The following GRID2 variants were observed in gnomAD, a reference collection of about 807,000 sequenced individuals.
The protein encoded by GRID2 is glutamate ionotropic receptor delta type subunit 2, also known as glutamate receptor ionotropic, delta-2.
A neutral mutation model predicts 114.8 loss-of-function variants in GRID2; 33 were observed. That is an observed-to-expected ratio of 0.29 (90% confidence interval 0.22 to 0.38). GRID2 has a LOEUF of 0.38. Ranked by LOEUF, GRID2 falls within the 10% of genes least tolerant of loss-of-function variation. The pLI is 1.00. For missense variants in GRID2, 1,184 were observed against 1,257.7 expected (o/e 0.94, Z 0.89); for synonymous variants, 505 against 449.9 (o/e 1.12, Z -1.55).
chr4:92,483,753 C>A (rs796782158), intron 1 of GRID2, among the ~76,000 whole-genome samples: 3 of 152,088 alleles, frequency 2.0e-5, no homozygotes, highest in Non-Finnish European at 2.9e-5. Context: ...TCTGAGGGAG[C>A]CTTTTCAGGC....
intron 2 of GRID2, among the ~76,000 whole-genome samples, chr4:92,708,501 C>G (rs1036926433): frequency 1.3e-5 from 2 of 152,136 alleles, no homozygotes; most frequent in Non-Finnish European, 2.9e-5. Flanking sequence ...ATCTTAGCTC[C>G]CACACATTAT....
At chr4:93,241,303 T>C (rs1747480211) in intron 8 of GRID2, among the ~76,000 whole-genome samples, 1 of 151,744 alleles carries the variant, frequency 6.6e-6, no homozygotes, top group Admixed American at 6.6e-5. Flanking sequence ...AATAAGAGTT[T>C]TTGCCTCTTC....
intron 12 of GRID2, among the ~76,000 whole-genome samples, chr4:93,511,922 C>T (rs1400735167): frequency 6.6e-6 from 1 of 151,956 alleles, no homozygotes; most frequent in Non-Finnish European, 1.5e-5. Context: ...TCTGGGATTA[C>T]AGGTGCATGC....
At chr4:92,491,762 A>T (rs1009147469) in intron 1 of GRID2, among the ~76,000 whole-genome samples, 2 of 152,122 alleles carry the variant, frequency 1.3e-5, no homozygotes, top group African/African-American at 4.8e-5. Context: ...TTCACTATGG[A>T]TAAACATAAA....
At chr4:92,931,215 C>A (rs912084676) in intron 2 of GRID2, among the ~76,000 whole-genome samples, 1 of 150,760 alleles carries the variant, frequency 6.6e-6, no homozygotes, top group Non-Finnish European at 1.5e-5. Context: ...AATCAACTCA[C>A]TAATTCACCA....
chr4:93,017,957 A>G (rs1185964467), intron 2 of GRID2, among the ~76,000 whole-genome samples: 1 of 150,124 alleles, frequency 6.7e-6, no homozygotes, highest in Non-Finnish European at 1.5e-5. Flanking sequence ...TCATCAATTA[A>G]CCAACAGGTT....
intron 3 of GRID2, among the ~76,000 whole-genome samples, chr4:93,097,843 G>T (rs924320295): frequency 2.6e-5 from 4 of 151,836 alleles, no homozygotes; most frequent in Non-Finnish European, 5.9e-5. Context: ...ATCAAAATGA[G>T]CCATTTTCTG....
chr4:93,367,115 T>G (rs1762415077), intron 8 of GRID2, among the ~76,000 whole-genome samples: 1 of 151,986 alleles, frequency 6.6e-6, no homozygotes. Context: ...CCAATCTCAA[T>G]TTAGTTGTTT....
chr4:93,169,342 C>T (rs1317841588), intron 4 of GRID2, among the ~76,000 whole-genome samples: 1 of 152,028 alleles, frequency 6.6e-6, no homozygotes, highest in African/African-American at 2.4e-5. Context: ...AAAATACATA[C>T]AAAAATAGTT....
At chr4:93,250,253 C>G (rs959582296) in intron 8 of GRID2, among the ~76,000 whole-genome samples, 17 of 152,030 alleles carry the variant, frequency 1.1e-4, no homozygotes, top group Admixed American at 1.0e-3. Flanking sequence ...GAACAGAAAA[C>G]CAAACACTGC....
chr4:93,424,954 T>G (rs1768693130), intron 10 of GRID2, among the ~76,000 whole-genome samples: 1 of 152,178 alleles, frequency 6.6e-6, no homozygotes, highest in Non-Finnish European at 1.5e-5. Context: ...TGTTAAGTCC[T>G]TTCAGTAGCT....
At chr4:92,926,720 T>C (rs1028892025) in intron 2 of GRID2, among the ~76,000 whole-genome samples, 2 of 151,928 alleles carry the variant, frequency 1.3e-5, no homozygotes, top group African/African-American at 2.4e-5. Context: ...CATCTGAGAC[T>C]GGGTAATTTA....
intron 8 of GRID2, among the ~76,000 whole-genome samples, chr4:93,351,733 TATAG>T (rs3970975): frequency 0.045 from 6,803 of 152,156 alleles, 175 homozygotes; most frequent in South Asian, 0.067. Flanking sequence ...GTGAATATTT[TATAG>T]ATAAAGAATG....
chr4:92,815,217 T>G (rs1423301141), intron 2 of GRID2, among the ~76,000 whole-genome samples: 1 of 152,132 alleles, frequency 6.6e-6, no homozygotes, highest in Non-Finnish European at 1.5e-5. Context: ...CTTTGACATT[T>G]TATGTGCACA....
intron 2 of GRID2, among the ~76,000 whole-genome samples, chr4:92,682,068 G>A (rs1055268689): frequency 1.5e-5 from 2 of 137,750 alleles, no homozygotes; most frequent in African/African-American, 6.0e-5. Context: ...TGGAGGTAAC[G>A]GAAAGAGAGA....
Position 93,515,269 on chromosome 4 carries a change from A to G in GRID2, c.2051A>G (p.Asp684Gly), listed in dbSNP as rs1729599217. Residue 684 changes from aspartate to glycine, a missense_variant, in exon 13 of 16, where the codon GAC becomes GGC. Transcript: ENST00000282020. ...GAAATCCCTTATGGCACAGTCCTAG[A>G]CTCTGCGGTATATGAGCATGTCCGC... ...QTEIPYGTVL[D>G]SAVYEHVRMK... The G allele has an allele frequency of 6.2e-7, 1 of 1,610,708 alleles. No homozygotes were observed. Among genetic ancestry groups the G allele is most frequent in the African/African-American group, 1.3e-5 (1 of 74,806 alleles).
intron 5 of GRID2, among the ~76,000 whole-genome samples, chr4:93,216,237 C>A (rs1744193632): frequency 6.6e-6 from 1 of 151,726 alleles, no homozygotes; most frequent in South Asian, 2.1e-4. Flanking sequence ...CAGTTAAAAG[C>A]CAAATTTTTC....
intron 2 of GRID2, among the ~76,000 whole-genome samples, chr4:92,912,437 C>G (rs1578448388): frequency 6.6e-6 from 1 of 151,668 alleles, no homozygotes; most frequent in African/African-American, 2.4e-5. Context: ...TCCCATACGT[C>G]CTGATGGTAA....
chr4:93,388,783 T>A (rs527581367), intron 8 of GRID2, among the ~76,000 whole-genome samples: 246 of 152,252 alleles, frequency 1.6e-3, no homozygotes, highest in African/African-American at 5.5e-3. Flanking sequence ...TTAAATAGAT[T>A]CAGGAGACAT....
Sources: allele counts gnomAD v4.1 joint callset (sites outside exome capture counted in the v4.1 genomes callset), GRCh38; gene constraint gnomAD v4.1.1; transcripts MANE v1.5; gene names NCBI Gene and HGNC (gene_info 2026-07-23, HGNC 2026-07-21).